The following SREK1 variants were observed in gnomAD, a reference collection of about 807,000 sequenced individuals.
SREK1 encodes splicing regulatory glutamic acid and lysine rich protein 1.
A neutral mutation model predicts 66.5 loss-of-function variants in SREK1; 13 were observed. The ratio of observed to expected loss-of-function variants is 0.20; its 90% CI spans 0.13 to 0.31. The LOEUF (loss-of-function observed/expected upper bound fraction) is 0.31, where lower values mean the gene tolerates loss of function less well. Among genes scored for constraint, SREK1 ranks in the 10% least tolerant of loss-of-function variants. The probability of loss-of-function intolerance (pLI) is 1.00; values close to 1 mark genes in which losing one functional copy is unlikely to be tolerated. For synonymous variants in SREK1, 265 were observed against 263.5 expected (o/e 1.01, Z -0.05); for missense variants, 607 against 769.6 (o/e 0.79, Z 2.50).
At chr5:66,178,576 T>C in intron 11 of SREK1, 143 bp from the exon 12 acceptor site, 1 of 675,328 alleles carries the variant, frequency 1.5e-6, no homozygotes, top group Non-Finnish European at 2.4e-6. Context: ...AGTGTTTGCA[T>C]ATTCATTTTG....
intron 7 of SREK1, chr5:66,165,346 C>G (rs1338497200): frequency 2.5e-5 from 4 of 157,630 alleles, no homozygotes; most frequent in Non-Finnish European, 2.8e-5. Flanking sequence ...ACGCAATTCC[C>G]TATTTTCAGT....
At chr5:66,164,112 A>T (rs1744977265) in intron 6 of SREK1, 190 bp downstream of exon 6, 1 of 628,378 alleles carries the variant, frequency 1.6e-6, no homozygotes, top group African/African-American at 1.9e-5. Flanking sequence ...TTTCTGTGAT[A>T]CTGAATTGAG....
intron 2 of SREK1, chr5:66,156,114 T>C: frequency 6.7e-7 from 1 of 1,491,840 alleles, no homozygotes; most frequent in Non-Finnish European, 8.9e-7. Flanking sequence ...GAGTTAGGCA[T>C]TGTTTGCCAT....
At chr5:66,148,412 C>G (rs963762029) in intron 1 of SREK1, among the ~76,000 whole-genome samples, 1 of 152,038 alleles carries the variant, frequency 6.6e-6, no homozygotes. Context: ...ACAAAATAAC[C>G]AGTTAGGGCC....
At position 66,170,638 on chromosome 5, in the gene SREK1, A is replaced by G; in HGVS notation, c.1175A>G (p.Glu392Gly). ...EKIKEKERVK[E>G]KDREKERERE... ...ATCAAGGAAAAGGAAAGAGTGAAAG[A>G]GAAAGACAGGGAAAAGGAGAGAGAG... The change falls in exon 9 of 12, where the codon GAG becomes GGG. Residue 392 changes from glutamate (E) to glycine (G), a missense_variant. Around this residue, in one of 5 missense-constraint regions of SREK1, gnomAD observed 318 missense variants for 310.3 expected, o/e 1.02. Coordinates refer to ENST00000334121, the MANE Select transcript of SREK1 (RefSeq NM_001077199.3). The G allele has an allele frequency of 6.2e-7, 1 of 1,613,290 alleles. No individual in the cohort carries two copies. Among genetic ancestry groups the G allele is most frequent in the Middle Eastern group, 1.7e-4 (1 of 6,052 alleles).
chr5:66,144,427 C>A lies in SREK1; in HGVS notation c.51C>A (p.Pro17=). ...TGGGCTTAGGCTTCGGCCTCACCCC[C>A]ACGTCGGTGATTCAGGTGACGAATC... ...FGLGLGFGLT[P]TSVIQVTNLS... The change falls in exon 1 of 12, where the codon CCC becomes CCA. Residue 17 remains proline (P), a synonymous_variant. Transcript: ENST00000334121. The A allele has an allele frequency of 6.4e-7, 1 of 1,551,700 alleles. No individual in the cohort carries two copies. The highest frequency in any genetic ancestry group is 8.7e-7 in the Non-Finnish European group (1 of 1,146,990).
Position 66,153,466 on chromosome 5 carries a change from C to T in SREK1, c.165C>T (p.Asn55=), listed in dbSNP as rs748246334. 1.7e-5 allele frequency: 28 copies of T among 1,611,334 alleles called. No individual in the cohort carries two copies. In the South Asian group the frequency reaches 1.8e-4, roughly 10 times the overall value. The part of the protein sequence containing the change: ...IEELRLYPPD[N]APLAFSSKVC... ...TGTTTTTCTTTTTATCTTGCAGCAA[C>T]GCACCTCTTGCTTTTTCCTCCAAAG... Residue 55 remains asparagine, a synonymous_variant, in exon 2 of 12, where the codon AAC becomes AAT. Transcript: ENST00000334121.
chr5:66,156,137 G>A, intron 2 of SREK1: 1 of 1,429,092 alleles, frequency 7.0e-7, no homozygotes, highest in South Asian at 1.5e-5. Flanking sequence ...CACTAAACCT[G>A]CCGTCAAGTG....
rs1321976596 is a variant in SREK1, at chr5:66,181,320, A to G, written c.*2452A>G. 1 of 152,196 alleles carries G rather than the reference A, an allele frequency of 6.6e-6. No homozygotes were observed. Among genetic ancestry groups the G allele is most frequent in the South Asian group, 2.1e-4 (1 of 4,826 alleles). The allele number at this position is 152,196 out of a possible 1,614,324, so 9.4% of individuals were successfully genotyped here. ...TGTGTGTCCATGTGTGCGCATGCGC[A>G]CGTGTGTATCTGTTTGAGACATACT... On this transcript the variant is annotated 3_prime_UTR_variant, in exon 12 of 12. Coordinates refer to ENST00000334121, the MANE Select transcript of SREK1 (RefSeq NM_001077199.3).
chr5:66,157,468 T>C (rs1336819713), intron 2 of SREK1: 3 of 985,134 alleles, frequency 3.0e-6, no homozygotes, highest in South Asian at 4.7e-5. Context: ...CCTCAAAACC[T>C]CAATTTATCA....
At chr5:66,145,268 A>G (rs1743072201) in intron 1 of SREK1, 1 of 645,738 alleles carries the variant, frequency 1.5e-6, no homozygotes, top group Non-Finnish European at 1.9e-6. Context: ...CACTTCCCAG[A>G]TAGTGTATTT....
chr5:66,147,293 T>G (rs888460806), intron 1 of SREK1, among the ~76,000 whole-genome samples: 1 of 152,202 alleles, frequency 6.6e-6, no homozygotes, highest in Non-Finnish European at 1.5e-5. Context: ...TATTAACTTT[T>G]TGCACAATAA....
chr5:66,164,504 C>A, intron 6 of SREK1: 1 of 1,179,660 alleles, frequency 8.5e-7, no homozygotes, highest in Non-Finnish European at 1.1e-6. Context: ...GACTTAAAAT[C>A]ACTGTCACAG....
At position 66,153,603 on chromosome 5, in the gene SREK1, A is replaced by G. The variant is rs755424238; in HGVS notation, c.295+7A>G. On this transcript the variant is annotated splice_region_variant and intron_variant, in intron 2 of 11. Coordinates refer to ENST00000334121, the MANE Select transcript of SREK1 (RefSeq NM_001077199.3). The stretch of plus-strand genomic sequence containing the variant: ...GTTGTTCCTTGTGCAGAAGGTTGGT[A>G]TCTCGCTTTTTTTCCTCTTATTTGA... 7 of 1,613,748 alleles carry G rather than the reference A, an allele frequency of 4.3e-6. No individual in the cohort carries two copies. The highest frequency in any genetic ancestry group is 5.9e-6 in the Non-Finnish European group (7 of 1,179,862).
chr5:66,145,253 G>A, intron 1 of SREK1: 1 of 770,826 alleles, frequency 1.3e-6, no homozygotes, highest in Non-Finnish European at 1.6e-6. Flanking sequence ...TTCACAGCTC[G>A]CGGCCACTTC....
intron 3 of SREK1, among the ~76,000 whole-genome samples, chr5:66,159,940 C>T (rs947717089): frequency 6.6e-6 from 1 of 151,958 alleles, no homozygotes; most frequent in Admixed American, 6.6e-5. Flanking sequence ...ACCATCCTGG[C>T]TAACACAGTG....
chr5:66,155,679 A>G (rs1744226881), intron 2 of SREK1, among the ~76,000 whole-genome samples: 1 of 152,224 alleles, frequency 6.6e-6, no homozygotes. Flanking sequence ...ACCATAGAAA[A>G]AAATTTAAGA....
rs763355323 is a variant in SREK1 at position 66,162,147 on chromosome 5, A to G, written c.450A>G (p.Ala150=). ...TTAGCAGTTTGGGAGCTATACCAGC[A>G]GCAGCACTAGACCCCAACATTGCAA... The part of the protein sequence containing the change: ...VSLSSLGAIP[A]AALDPNIATL... Residue 150 remains alanine, a synonymous_variant, in exon 4 of 12, where the codon GCA becomes GCG. Coordinates refer to ENST00000334121, the MANE Select transcript of SREK1 (RefSeq NM_001077199.3). 1.2e-6 allele frequency: 2 copies of G among 1,614,000 alleles called. No individual in the cohort carries two copies. The highest frequency in any genetic ancestry group is 2.2e-5 in the South Asian group (2 of 91,048).
At position 66,183,380 on chromosome 5, in the gene SREK1, T is replaced by C. The variant is rs1397730645; in HGVS notation, c.*4512T>C. On this transcript the variant is annotated 3_prime_UTR_variant, in exon 12 of 12. Coordinates refer to ENST00000334121, the MANE Select transcript of SREK1 (RefSeq NM_001077199.3). ...TAGATTTAAGTATGAAATTTGAGTA[T>C]ACTGTGTAGCTGTGTAGATCAACTT... The C allele has an allele frequency of 6.6e-6, 1 of 152,178 alleles. No individual in the cohort carries two copies. The highest frequency in any genetic ancestry group is 2.4e-5 in the African/African-American group (1 of 41,444). The allele number at this position is 152,178 out of a possible 1,614,324, so 9.4% of individuals were successfully genotyped here.
Sources: allele counts gnomAD v4.1 joint callset (sites outside exome capture counted in the v4.1 genomes callset), GRCh38; gene constraint gnomAD v4.1.1; regional missense constraint gnomAD v4.1.1; transcripts MANE v1.5; gene names NCBI Gene and HGNC (gene_info 2026-07-23, HGNC 2026-07-21).